CHSY3: variants seen among roughly 807,000 people sequenced by gnomAD.
The protein encoded by CHSY3 is N-acetylgalactosaminyl-proteoglycan 3-beta-glucuronosyltransferase 3.
In CHSY3, 35 loss-of-function variants were observed where a neutral mutation model predicts 67.2. The observed-to-expected ratio is 0.52, with a 90% CI of 0.40 to 0.69. The LOEUF (loss-of-function observed/expected upper bound fraction) is 0.69, where lower values mean the gene tolerates loss of function less well. Ranked by LOEUF, CHSY3 falls within the 30% of genes least tolerant of loss-of-function variation. The pLI, the probability that CHSY3 is intolerant of heterozygous loss-of-function variation, is 0.00. For missense variants in CHSY3, 1,069 were observed against 1,138.5 expected, an observed-to-expected ratio of 0.94 and a Z score of 0.88; for synonymous variants, 474 against 434.7, an observed-to-expected ratio of 1.09 and a Z score of -1.12.
chr5:130,093,432 A>G (rs555209127), intron 2 of CHSY3, among the ~76,000 whole-genome samples: 1 of 152,318 alleles, frequency 6.6e-6, no homozygotes, highest in East Asian at 1.9e-4. Flanking sequence ...GGTTGTAAAT[A>G]TTAAATGCTG....
chr5:129,905,811 TC>T, intron 1 of CHSY3, 180 bp downstream of exon 1: 1 of 1,314,292 alleles, frequency 7.6e-7, no homozygotes, highest in Non-Finnish European at 9.9e-7. Context: ...AGCCCGTTCC[TC>T]GTCTTCTGCA....
chr5:129,950,325 ATAG>A (rs1761990091), intron 2 of CHSY3, among the ~76,000 whole-genome samples: 1 of 152,170 alleles, frequency 6.6e-6, no homozygotes, highest in East Asian at 1.9e-4. Context: ...ATCATACATA[ATAG>A]TGAAAAACTT....
intron 2 of CHSY3, among the ~76,000 whole-genome samples, chr5:130,176,485 A>T (rs1364372321): frequency 1.3e-5 from 2 of 152,160 alleles, no homozygotes; most frequent in Admixed American, 6.5e-5. Flanking sequence ...CAGCAATCCC[A>T]TTACTGGGTA....
At position 129,905,739 on chromosome 5, in the gene CHSY3, G is replaced by T. The variant is rs936298267; in HGVS notation, c.802+108G>T. The T allele has an allele frequency of 3.0e-5, 46 of 1,524,002 alleles. No individual in the cohort carries two copies. In the African/African-American group the frequency reaches 5.7e-4, roughly 19 times the overall value. The allele number at this position is 1,524,002 out of a possible 1,614,324, so 94.4% of individuals were successfully genotyped here. ...CTCCGCTGCTTCTCTGCCAGCACGTGCTTCGGGCTCCCACAGGCCCTGGCC... is the reference window on the plus strand; with the variant it reads ...CTCCGCTGCTTCTCTGCCAGCACGTTCTTCGGGCTCCCACAGGCCCTGGCC... On this transcript the variant is annotated intron_variant, in intron 1 of 2. Transcript: ENST00000305031.
chr5:130,004,379 G>A (rs1044547539), intron 2 of CHSY3, among the ~76,000 whole-genome samples: 3 of 152,112 alleles, frequency 2.0e-5, no homozygotes, highest in Non-Finnish European at 1.5e-5. Flanking sequence ...TTGAGTATAA[G>A]TGATATATTT....
intron 2 of CHSY3, among the ~76,000 whole-genome samples, chr5:130,096,847 G>T (rs906519495): frequency 6.6e-6 from 1 of 152,122 alleles, no homozygotes; most frequent in Non-Finnish European, 1.5e-5. Context: ...GAATCTGGAA[G>T]GAGTAGGAGC....
chr5:130,055,345 G>T (rs1211348649), intron 2 of CHSY3, among the ~76,000 whole-genome samples: 1 of 150,358 alleles, frequency 6.7e-6, no homozygotes, highest in Non-Finnish European at 1.5e-5. Flanking sequence ...TATAAAGATA[G>T]CTTTTGTTTT....
At chr5:130,136,975 GT>G (rs1768685095) in intron 2 of CHSY3, among the ~76,000 whole-genome samples, 1 of 152,050 alleles carries the variant, frequency 6.6e-6, no homozygotes, top group Admixed American at 6.6e-5. Context: ...ATTGTTAGGG[GT>G]TTCTTGTCTC....
intron 2 of CHSY3, among the ~76,000 whole-genome samples, chr5:130,087,764 A>G (rs1231503297): frequency 6.6e-6 from 1 of 151,952 alleles, no homozygotes; most frequent in African/African-American, 2.4e-5. Flanking sequence ...GGTAGGAAAA[A>G]TCAATATCAT....
intron 2 of CHSY3, among the ~76,000 whole-genome samples, chr5:130,178,249 A>AT (rs1253548592): frequency 1.3e-3 from 92 of 68,474 alleles, no homozygotes; most frequent in Middle Eastern, 8.5e-3. Flanking sequence ...ATATATATAT[A>AT]TATATTTTTT....
chr5:129,986,537 C>T (rs1230831082), intron 2 of CHSY3, among the ~76,000 whole-genome samples: 2 of 152,046 alleles, frequency 1.3e-5, no homozygotes, highest in Non-Finnish European at 2.9e-5. Context: ...ATGCTGGCCA[C>T]ATAGAATGAT....
chr5:130,118,650 T>G (rs1442703936), intron 2 of CHSY3, among the ~76,000 whole-genome samples: 2 of 152,274 alleles, frequency 1.3e-5, no homozygotes, highest in East Asian at 3.9e-4. Flanking sequence ...AGTAGTATTT[T>G]TGCAAACTAT....
At chr5:130,045,358 G>T (rs1765115211) in intron 2 of CHSY3, among the ~76,000 whole-genome samples, 1 of 152,180 alleles carries the variant, frequency 6.6e-6, no homozygotes, top group Admixed American at 6.6e-5. Context: ...ATTTTTAAAA[G>T]ACATTGAGGG....
At chr5:130,109,463 G>A (rs1218624792) in intron 2 of CHSY3, among the ~76,000 whole-genome samples, 2 of 151,534 alleles carry the variant, frequency 1.3e-5, no homozygotes, top group Non-Finnish European at 3.0e-5. Context: ...TTGTAAGTAA[G>A]AGAAAAAAAA....
chr5:130,113,386 T>A (rs1767648856), intron 2 of CHSY3, among the ~76,000 whole-genome samples: 1 of 152,214 alleles, frequency 6.6e-6, no homozygotes, highest in South Asian at 2.1e-4. Context: ...GTATTTTAAG[T>A]ACAGTTCTAT....
intron 2 of CHSY3, among the ~76,000 whole-genome samples, chr5:129,916,881 G>GT (rs200229454): frequency 0.012 from 1,850 of 149,864 alleles, 36 homozygotes; most frequent in African/African-American, 0.041. Flanking sequence ...CTTCTAAATT[G>GT]TTTTTTTTTC....
chr5:130,155,463 A>G lies in CHSY3; in HGVS notation c.1087-28766A>G, dbSNP rs768602466. Among the ~76,000 whole-genome samples, 68 of 152,168 alleles carry G rather than the reference A, an allele frequency of 4.5e-4. 2 individuals carry two copies. Among genetic ancestry groups the G allele is most frequent in the Middle Eastern group, 3.2e-3 (1 of 316 alleles). ...AGCACAGGAATGAAGTGTTTATTTC[A>G]TGTTTAATGCAACCTTCCACTTCAA... On this transcript the variant is annotated intron_variant, in intron 2 of 2. Transcript: ENST00000305031.
chr5:130,050,157 C>T (rs1171535175), intron 2 of CHSY3, among the ~76,000 whole-genome samples: 2 of 152,100 alleles, frequency 1.3e-5, no homozygotes, highest in African/African-American at 2.4e-5. Flanking sequence ...CATCAAACTA[C>T]AACAATGTAT....
At chr5:130,056,947 A>G (rs1202563574) in intron 2 of CHSY3, among the ~76,000 whole-genome samples, 1 of 104,760 alleles carries the variant, frequency 9.5e-6, no homozygotes, top group Non-Finnish European at 1.8e-5. Context: ...TTTTTTTGAC[A>G]GAGTCTGGCT....
Sources: allele counts gnomAD v4.1 joint callset (sites outside exome capture counted in the v4.1 genomes callset), GRCh38; gene constraint gnomAD v4.1.1; transcripts MANE v1.5; gene names NCBI Gene and HGNC (gene_info 2026-07-23, HGNC 2026-07-21).